The following HERC4 variants were observed in gnomAD, a reference collection of about 807,000 sequenced individuals.
The protein encoded by HERC4 is HECT and RLD domain containing E3 ubiquitin protein ligase 4, also known as probable E3 ubiquitin-protein ligase HERC4.
Under a neutral mutation model 124.3 loss-of-function variants are expected in HERC4, and 28 were observed. The observed-to-expected ratio is 0.23, with a 90% CI of 0.17 to 0.31. HERC4 has a LOEUF of 0.31. HERC4 is among the 10% of genes least tolerant of loss of function. The pLI, the probability that HERC4 is intolerant of heterozygous loss-of-function variation, is 1.00. For synonymous variants in HERC4, 407 were observed against 421.5 expected (o/e 0.97, Z 0.42); for missense variants, 713 against 1,229.3 (o/e 0.58, Z 6.28).
chr10:68,039,315 CAAA>C (rs5785844), intron 4 of HERC4: 31,354 of 1,065,354 alleles, frequency 0.029, no homozygotes, highest in East Asian at 0.06. Context: ...GACCCTGTCT[CAAA>C]AAAAAAAAAA....
intron 3 of HERC4, among the ~76,000 whole-genome samples, chr10:68,071,912 G>A (rs1209018879): frequency 1.3e-5 from 2 of 152,300 alleles, no homozygotes; most frequent in East Asian, 1.9e-4. Context: ...TGGCATGGTC[G>A]TGAGATGATG....
Position 67,954,676 on chromosome 10 carries a change from G to A in HERC4, c.2256C>T (p.Leu752=), listed in dbSNP as rs201606002. The change falls in exon 19 of 25, where the codon CTC becomes CTT. Residue 752 remains leucine, a synonymous_variant. Coordinates refer to ENST00000373700, the MANE Select transcript of HERC4 (RefSeq NM_015601.4). The part of the protein sequence containing the change: ...AGGVRKEFFL[L]IMRELLDPKY... ...TAGGATCCAATAATTCCCTCATGAT[G>A]AGCAAGAAAAATTCTTTGCGCACCC... is the stretch of plus-strand genomic sequence containing the variant. 2 of 1,613,530 alleles carry A rather than the reference G, an allele frequency of 1.2e-6. No individual in the cohort carries two copies. The highest frequency in any genetic ancestry group is 1.7e-6 in the Non-Finnish European group (2 of 1,179,724).
At chr10:67,949,518 C>T (rs1314728368) in intron 19 of HERC4, among the ~76,000 whole-genome samples, 3 of 152,104 alleles carry the variant, frequency 2.0e-5, no homozygotes, top group Admixed American at 6.6e-5. Context: ...AAATCCAACC[C>T]TACAAACCAA....
At chr10:68,018,542 G>T (rs1362674143) in intron 8 of HERC4, among the ~76,000 whole-genome samples, 1 of 152,100 alleles carries the variant, frequency 6.6e-6, no homozygotes, top group African/African-American at 2.4e-5. Context: ...ATAAATAATA[G>T]AAATAACAAA....
At position 67,990,894 on chromosome 10, in the gene HERC4, A is replaced by G; in HGVS notation, c.1443+10T>C. The G allele has an allele frequency of 6.5e-7, 1 of 1,543,446 alleles. No homozygotes were observed. Among genetic ancestry groups the G allele is most frequent in the African/African-American group, 1.4e-5 (1 of 72,894 alleles). ...GATAATACTGTAAACATAATACTTT[A>G]AAAACAGACCTGCTGAGATATCTGC... On this transcript the variant is annotated intron_variant, in intron 13 of 24. Transcript: ENST00000373700.
chr10:67,938,858 C>T (rs1260684102), intron 21 of HERC4, among the ~76,000 whole-genome samples: 5 of 151,630 alleles, frequency 3.3e-5, no homozygotes, highest in Non-Finnish European at 4.4e-5. Context: ...GCAGGAGAAT[C>T]GCTTGAACCT....
At chr10:68,006,369 GTTTTTGTTTTTT>G (rs1339030723) in intron 9 of HERC4, among the ~76,000 whole-genome samples, 31 of 142,208 alleles carry the variant, frequency 2.2e-4, no homozygotes, top group African/African-American at 6.0e-4. Context: ...TTTTGTTTTT[GTTTTTGTTTTTT>G]TTTTTTTTTT....
rs140140536 is a variant in HERC4, at chr10:67,959,531, A to G, written c.1927-2555T>C. ...TGGAAAAAACATTCCTCAGACTTTA[A>G]GACTTTAAAATCTCAGCAAAATGTC... On this transcript the variant is annotated intron_variant, in intron 16 of 24. Coordinates refer to ENST00000373700, the MANE Select transcript of HERC4 (RefSeq NM_015601.4). Among the ~76,000 whole-genome samples the G allele has an allele frequency of 4.1e-3, 623 of 152,296 alleles. 4 individuals are homozygous for G. Among genetic ancestry groups the G allele is most frequent in the Non-Finnish European group, 6.7e-3 (455 of 68,012 alleles).
chr10:68,006,859 C>A, intron 9 of HERC4, among the ~76,000 whole-genome samples: 1 of 152,138 alleles, frequency 6.6e-6, no homozygotes, highest in Non-Finnish European at 1.5e-5. Context: ...TGTACTGGAG[C>A]CCCATTGTAT....
chr10:67,946,366 C>CAT (rs1449110691), intron 19 of HERC4, among the ~76,000 whole-genome samples: 1 of 149,430 alleles, frequency 6.7e-6, no homozygotes, highest in Non-Finnish European at 1.5e-5. Flanking sequence ...CACACACACA[C>CAT]ACACACACAC....
chr10:68,030,492 A>T (rs533457891), intron 7 of HERC4, among the ~76,000 whole-genome samples: 1 of 152,296 alleles, frequency 6.6e-6, no homozygotes, highest in South Asian at 2.1e-4. Context: ...ATATGTTCAT[A>T]TTTTGGTCCC....
At chr10:68,049,525 AG>A in intron 3 of HERC4, among the ~76,000 whole-genome samples, 1 of 125,780 alleles carries the variant, frequency 8.0e-6, no homozygotes, top group Non-Finnish European at 1.6e-5. Flanking sequence ...CAGGAGGCAG[AG>A]GTTGCAGTGA....
chr10:67,956,732 C>T (rs934468728), intron 17 of HERC4, 146 bp downstream of exon 17: 1 of 450,508 alleles, frequency 2.2e-6, no homozygotes, highest in African/African-American at 2.0e-5. Flanking sequence ...TAAGAATATA[C>T]ATATCACATG....
rs760872867 is a variant in HERC4, at chr10:67,933,591, G to A, written c.2655-811C>T. ...GATTCTGCAATAGGAATAATGGTAA[G>A]TTGCCTTTCAGAACCAAGTTTTTTT... is the stretch of plus-strand genomic sequence containing the variant. On this transcript the variant is annotated intron_variant, in intron 22 of 24. Coordinates refer to ENST00000373700, the MANE Select transcript of HERC4 (RefSeq NM_015601.4). Among the ~76,000 whole-genome samples the A allele has an allele frequency of 7.9e-5, 12 of 152,196 alleles. No homozygotes were observed. The East Asian group carries it at 1.5e-3, about 20-fold the overall frequency.
intron 22 of HERC4, among the ~76,000 whole-genome samples, chr10:67,934,646 T>A (rs1382510340): frequency 6.6e-6 from 1 of 152,198 alleles, no homozygotes; most frequent in Non-Finnish European, 1.5e-5. Context: ...AAAATGTTTT[T>A]AAACACACAC....
At chr10:68,074,241 T>C (rs1008214369) in intron 1 of HERC4, 2 of 152,208 alleles carry the variant, frequency 1.3e-5, no homozygotes, top group Admixed American at 1.3e-4. Context: ...AATATCATAA[T>C]TACAGGAAGT....
Position 67,986,219 on chromosome 10 carries a change from T to C in HERC4, c.1806+2444A>G, listed in dbSNP as rs565129941. ...CCAGTATCATCCTGCTTTTGACTTT[T>C]GTAACTACTGCAAACAAGAACCCAG... On this transcript the variant is annotated intron_variant, in intron 15 of 24. Transcript: ENST00000373700. 1.8e-4 allele frequency among the ~76,000 whole-genome samples: 27 copies of C among 152,338 alleles called. 1 individual carries two copies. The South Asian group carries it at 5.0e-3, about 28-fold the overall frequency.
intron 15 of HERC4, among the ~76,000 whole-genome samples, chr10:67,973,731 T>C (rs1347173544): frequency 6.6e-6 from 1 of 152,026 alleles, no homozygotes; most frequent in African/African-American, 2.4e-5. Context: ...CTTCAATATT[T>C]CAACCCTGGG....
intron 15 of HERC4, among the ~76,000 whole-genome samples, chr10:67,967,134 G>A (rs555218779): frequency 1.3e-5 from 2 of 152,284 alleles, no homozygotes; most frequent in Admixed American, 6.5e-5. Context: ...GATTACAGGC[G>A]TGAGCCACCA....
Sources: allele counts gnomAD v4.1 joint callset (sites outside exome capture counted in the v4.1 genomes callset), GRCh38; gene constraint gnomAD v4.1.1; transcripts MANE v1.5; gene names NCBI Gene and HGNC (gene_info 2026-07-23, HGNC 2026-07-21).